CEP152: variants seen among roughly 807,000 people sequenced by gnomAD.
The protein encoded by CEP152 is centrosomal protein 152.
CEP152 carries 132 observed loss-of-function variants against 188.9 expected under a neutral mutation model. The ratio of observed to expected loss-of-function variants is 0.70; its 90% CI spans 0.61 to 0.81. The LOEUF is 0.81. Among genes scored for constraint, CEP152 ranks in the 30% least tolerant of loss-of-function variants. The probability of loss-of-function intolerance (pLI) is 0.00; values close to 1 mark genes in which losing one functional copy is unlikely to be tolerated. For missense variants in CEP152, 1,914 were observed against 1,969.8 expected, an observed-to-expected ratio of 0.97 and a Z score of 0.54; for synonymous variants, 649 against 666.6, an observed-to-expected ratio of 0.97 and a Z score of 0.41.
At position 48,788,911 on chromosome 15, in the gene CEP152, C is replaced by G; in HGVS notation, c.1063G>C (p.Ala355Pro). ...DLHHSESLQR[A>P]REQHESIVMG... ...ACAATGCTCTCATGCTGTTCTCTAG[C>G]TCGTTGAAGTGATTCAGAATGATGA... The change falls in exon 9 of 27, where the codon GCT becomes CCT. Residue 355 changes from alanine to proline, a missense_variant. Physicochemically the swap from Ala to Pro is conservative, Grantham distance 27 (BLOSUM62 -1). Coordinates refer to ENST00000380950, the MANE Select transcript of CEP152 (RefSeq NM_001194998.2). The G allele has an allele frequency of 6.2e-7, 1 of 1,614,136 alleles. No individual in the cohort carries two copies. The highest frequency in any genetic ancestry group is 8.5e-7 in the Non-Finnish European group (1 of 1,180,028).
chr15:48,795,734 T>C (rs1005051539), intron 6 of CEP152, among the ~76,000 whole-genome samples: 1 of 152,134 alleles, frequency 6.6e-6, no homozygotes, highest in African/African-American at 2.4e-5. Context: ...GATTCAACAA[T>C]TATGAACTCA....
At chr15:48,808,234 T>C (rs996204549) in intron 1 of CEP152, among the ~76,000 whole-genome samples, 2 of 151,100 alleles carry the variant, frequency 1.3e-5, no homozygotes, top group East Asian at 3.9e-4. Flanking sequence ...TAGTATAATA[T>C]TCAGAACAAC....
chr15:48,790,704 T>A (rs1896939237), intron 8 of CEP152, among the ~76,000 whole-genome samples: 1 of 152,166 alleles, frequency 6.6e-6, no homozygotes, highest in Non-Finnish European at 1.5e-5. Flanking sequence ...GTAGCTGGGA[T>A]TACAGGCATC....
chr15:48,781,186 C>A lies in CEP152; in HGVS notation c.1577+10G>T, dbSNP rs762471582. The A allele has an allele frequency of 3.1e-6, 5 of 1,612,234 alleles. No individual in the cohort carries two copies. Among genetic ancestry groups the A allele is most frequent in the Admixed American group, 3.3e-5 (2 of 59,988 alleles). ...TTCTTCTACAGTAAACTAAAATATT[C>A]TTTCCATACCTGGTAACTTTGGATT... On this transcript the variant is annotated intron_variant, in intron 12 of 26. Transcript: ENST00000380950.
At chr15:48,770,191 C>G (rs565936253) in intron 13 of CEP152, among the ~76,000 whole-genome samples, 42 of 152,204 alleles carry the variant, frequency 2.8e-4, no homozygotes, top group African/African-American at 9.9e-4. Context: ...GGACTCTGAG[C>G]TCTTTGCCAC....
intron 8 of CEP152, 107 bp from the exon 9 acceptor site, chr15:48,789,108 T>C (rs1595682312): frequency 1.9e-6 from 2 of 1,039,548 alleles, no homozygotes; most frequent in East Asian, 2.6e-5. Flanking sequence ...CTCAAGCATG[T>C]TTTAATGAGA....
chr15:48,778,401 T>G (rs1349912255), intron 12 of CEP152, among the ~76,000 whole-genome samples: 1 of 152,178 alleles, frequency 6.6e-6, no homozygotes, highest in Non-Finnish European at 1.5e-5. Flanking sequence ...CCTTTGAATT[T>G]GATCTGAGTA....
intron 2 of CEP152, 75 bp from the exon 3 acceptor site, chr15:48,798,126 G>A (rs1897437280): frequency 8.2e-7 from 1 of 1,213,682 alleles, no homozygotes; most frequent in Non-Finnish European, 1.2e-6. Context: ...CTTGGAACGA[G>A]TGGTTTTTTA....
In CEP152 at chr15:48,738,491, T is replaced by C; in HGVS notation, c.4891A>G (p.Lys1631Glu). The C allele has an allele frequency of 1.2e-6, 2 of 1,614,230 alleles. No homozygotes were observed. Among genetic ancestry groups the C allele is most frequent in the African/African-American group, 1.3e-5 (1 of 75,066 alleles). Residue 1631 changes from lysine (K) to glutamate (E), a missense_variant, in exon 27 of 27, where the codon AAA becomes GAA. Coordinates refer to ENST00000380950, the MANE Select transcript of CEP152 (RefSeq NM_001194998.2). ...EESNMICQTM[K>E]CQRYQTPYLS... Reference sequence around the variant, plus strand: ...TATGGAGTTTGATAACGCTGACATTTCATTGTTTGACAAATCATATTACTT... The same window carrying C: ...TATGGAGTTTGATAACGCTGACATTCCATTGTTTGACAAATCATATTACTT...
intron 1 of CEP152, 128 bp from the exon 2 acceptor site, chr15:48,805,784 C>A: frequency 8.0e-7 from 1 of 1,247,184 alleles, no homozygotes; most frequent in Non-Finnish European, 1.1e-6. Context: ...ATATGTATAA[C>A]TCAGTTATGG....
At chr15:48,790,629 C>T (rs2140882343) in intron 8 of CEP152, among the ~76,000 whole-genome samples, 1 of 152,196 alleles carries the variant, frequency 6.6e-6, no homozygotes, top group East Asian at 1.9e-4. Context: ...TGCAATGGAG[C>T]AATCTCAGCT....
intron 8 of CEP152, chr15:48,789,246 A>G: frequency 1.9e-6 from 1 of 536,522 alleles, no homozygotes; most frequent in Non-Finnish European, 3.3e-6. Context: ...ACCTGAGGGG[A>G]GTGAAAGAGG....
intron 13 of CEP152, among the ~76,000 whole-genome samples, chr15:48,772,162 A>G (rs1043044642): frequency 6.6e-6 from 1 of 152,126 alleles, no homozygotes; most frequent in South Asian, 2.1e-4. Context: ...CTGTAATCCA[A>G]CACCTTGAGA....
Position 48,756,281 on chromosome 15 carries a change from T to C in CEP152, c.2967A>G (p.Lys989=), listed in dbSNP as rs375232696. 6.3e-7 allele frequency: 1 copy of C among 1,580,648 alleles called. No homozygotes were observed. Among genetic ancestry groups the C allele is most frequent in the Non-Finnish European group, 8.6e-7 (1 of 1,165,834 alleles). Residue 989 remains lysine (K), a synonymous_variant, in exon 20 of 27, where the codon AAA becomes AAG. Coordinates refer to ENST00000380950, the MANE Select transcript of CEP152 (RefSeq NM_001194998.2). ...YRQFLDDHRN[K]INEVLAAAKE... is the part of the protein sequence containing the mutation. ...TAGCTGCCGCAAGCACCTCATTAAT[T>C]TTATTTCGGTGATCATCTAAAAATT... is the stretch of plus-strand genomic sequence containing the variant.
intron 17 of CEP152, among the ~76,000 whole-genome samples, chr15:48,766,284 C>T (rs1375071456): frequency 6.6e-6 from 1 of 152,194 alleles, no homozygotes; most frequent in Non-Finnish European, 1.5e-5. Context: ...CTGTATAGAA[C>T]ATTTATTTAA....
At chr15:48,745,026 TAAA>T in intron 22 of CEP152, 34 bp from the exon 23 acceptor site, 1 of 1,488,732 alleles carries the variant, frequency 6.7e-7, no homozygotes, top group Non-Finnish European at 9.1e-7. Context: ...ATTAGACAGT[TAAA>T]AATTTTTTAA....
intron 20 of CEP152, 130 bp from the exon 21 acceptor site, chr15:48,752,599 C>T: frequency 1.2e-5 from 17 of 1,432,516 alleles, no homozygotes; most frequent in Middle Eastern, 2.5e-4. Context: ...CTATCTATCG[C>T]CAATATTTTT....
At chr15:48,740,558 G>C (rs1892875947) in intron 26 of CEP152, 1 of 118,928 alleles carries the variant, frequency 8.4e-6, no homozygotes, top group Non-Finnish European at 1.8e-5. Context: ...TTTTTTCCAA[G>C]TTTTTCCTTT....
chr15:48,773,421 C>CAGGGAGGTGA (rs1895690021), intron 12 of CEP152: 1 of 152,450 alleles, frequency 6.6e-6, no homozygotes, highest in Non-Finnish European at 1.5e-5. Flanking sequence ...GTGTCCAGGC[C>CAGGGAGGTGA]ATAGCACAGG....
Sources: gnomAD v4.1 joint callset for allele counts (sites outside exome capture counted in the v4.1 genomes callset) on GRCh38, gnomAD v4.1.1 for gene constraint, MANE v1.5 for transcripts, NCBI Gene and HGNC (gene_info 2026-07-23, HGNC 2026-07-21) for gene names.